LRMDA: variants seen among roughly 807,000 people sequenced by gnomAD.
LRMDA encodes leucine-rich melanocyte differentiation-associated protein.
Under a neutral mutation model 29.8 loss-of-function variants are expected in LRMDA, and 18 were observed. That is an observed-to-expected ratio of 0.60 (90% CI 0.42 to 0.90). The LOEUF (loss-of-function observed/expected upper bound fraction) is 0.90, where lower values mean the gene tolerates loss of function less well. LRMDA is among the 40% of genes least tolerant of loss of function. The probability of loss-of-function intolerance (pLI) is 0.00; values close to 1 mark genes in which losing one functional copy is unlikely to be tolerated. For missense variants in LRMDA, 273 were observed against 273.9 expected, an observed-to-expected ratio of 1.00 and a Z score of 0.02; for synonymous variants, 125 against 109.4, an observed-to-expected ratio of 1.14 and a Z score of -0.89.
chr10:76,482,103 G>T (rs1345744204), intron 6 of LRMDA, among the ~76,000 whole-genome samples: 1 of 151,850 alleles, frequency 6.6e-6, no homozygotes, highest in Non-Finnish European at 1.5e-5. Flanking sequence ...TTCATAACAT[G>T]ATAATCTTAT....
Position 76,359,983 on chromosome 10 carries a change from C to G in LRMDA, c.601+35498C>G, listed in dbSNP as rs114232134. The stretch of plus-strand genomic sequence containing the variant: ...CCCTTGGATCGGTCCAGTGGCATTT[C>G]TTTTTCTTTTGTTTTTTTTTATTTT... On this transcript the variant is annotated intron_variant, in intron 6 of 6. Coordinates refer to ENST00000611255, the MANE Select transcript of LRMDA (RefSeq NM_001305581.2). 5.6e-3 allele frequency among the ~76,000 whole-genome samples: 853 copies of G among 152,070 alleles called. 4 individuals carry two copies. The highest frequency in any genetic ancestry group is 0.019 in the African/African-American group (787 of 41,506).
chr10:75,915,780 A>G (rs2132382379), intron 2 of LRMDA, among the ~76,000 whole-genome samples: 1 of 152,262 alleles, frequency 6.6e-6, no homozygotes, highest in South Asian at 2.1e-4. Context: ...GGTCCACCTA[A>G]GAGGCTGTCT....
chr10:75,906,062 C>T (rs1307525442), intron 2 of LRMDA, among the ~76,000 whole-genome samples: 3 of 151,402 alleles, frequency 2.0e-5, no homozygotes, highest in Non-Finnish European at 4.4e-5. Context: ...CAGCTCTCAC[C>T]CCAGCTCCAC....
intron 2 of LRMDA, among the ~76,000 whole-genome samples, chr10:75,481,711 A>G (rs1472258797): frequency 6.6e-6 from 1 of 152,142 alleles, no homozygotes. Context: ...TGCTGTTAGG[A>G]TGAAGGCAAA....
chr10:75,852,171 A>C (rs1318503801), intron 2 of LRMDA, among the ~76,000 whole-genome samples: 1 of 152,228 alleles, frequency 6.6e-6, no homozygotes, highest in Non-Finnish European at 1.5e-5. Flanking sequence ...ATCTTGTCTC[A>C]ACTTAACTTC....
At chr10:76,541,248 C>T (rs899066575) in intron 6 of LRMDA, among the ~76,000 whole-genome samples, 1 of 152,176 alleles carries the variant, frequency 6.6e-6, no homozygotes, top group Non-Finnish European at 1.5e-5. Flanking sequence ...CGCCTGTAAT[C>T]CAAGCACTTT....
At chr10:76,336,752 T>A (rs1421409203) in intron 6 of LRMDA, among the ~76,000 whole-genome samples, 1 of 152,230 alleles carries the variant, frequency 6.6e-6, no homozygotes, top group Admixed American at 6.5e-5. Context: ...GTCTTCTCCC[T>A]TGTGGATTAG....
At chr10:76,330,913 G>A (rs978995610) in intron 6 of LRMDA, among the ~76,000 whole-genome samples, 3 of 152,126 alleles carry the variant, frequency 2.0e-5, no homozygotes, top group African/African-American at 7.2e-5. Context: ...ATTTATTTAG[G>A]CCAGCTTAAT....
chr10:76,316,914 A>G (rs1029982641), intron 5 of LRMDA, among the ~76,000 whole-genome samples: 6 of 152,220 alleles, frequency 3.9e-5, no homozygotes, highest in African/African-American at 1.4e-4. Context: ...ATTCCTTCTC[A>G]TTTGATAATC....
At chr10:76,328,720 CT>C (rs1840867688) in intron 6 of LRMDA, among the ~76,000 whole-genome samples, 1 of 152,214 alleles carries the variant, frequency 6.6e-6, no homozygotes, top group Non-Finnish European at 1.5e-5. Context: ...TCCCACTTGC[CT>C]GCCTCTGTCA....
At chr10:76,269,032 C>A (rs1393092366) in intron 5 of LRMDA, among the ~76,000 whole-genome samples, 3 of 152,020 alleles carry the variant, frequency 2.0e-5, no homozygotes, top group African/African-American at 7.3e-5. Flanking sequence ...GAACACTGGG[C>A]CACCGAATAT....
At chr10:75,804,746 A>G (rs1843819345) in intron 2 of LRMDA, among the ~76,000 whole-genome samples, 1 of 152,226 alleles carries the variant, frequency 6.6e-6, no homozygotes, top group South Asian at 2.1e-4. Flanking sequence ...GCAGCAGCCC[A>G]CATTTGCAGG....
intron 2 of LRMDA, among the ~76,000 whole-genome samples, chr10:76,000,015 C>G (rs1385644420): frequency 2.0e-5 from 3 of 152,008 alleles, no homozygotes; most frequent in Non-Finnish European, 4.4e-5. Context: ...CTCTTTGATT[C>G]AATAATTTGT....
intron 2 of LRMDA, among the ~76,000 whole-genome samples, chr10:75,813,935 T>G (rs1466237207): frequency 6.6e-6 from 1 of 152,222 alleles, no homozygotes; most frequent in Non-Finnish European, 1.5e-5. Flanking sequence ...ATAAACACCT[T>G]GATGAAAATC....
intron 2 of LRMDA, among the ~76,000 whole-genome samples, chr10:75,547,359 G>C (rs1281264602): frequency 1.3e-5 from 2 of 152,280 alleles, no homozygotes; most frequent in East Asian, 3.9e-4. Flanking sequence ...GGTTTTCTTT[G>C]CTCATCTCTA....
intron 6 of LRMDA, among the ~76,000 whole-genome samples, chr10:76,525,337 G>C (rs1564566725): frequency 6.6e-6 from 1 of 152,146 alleles, no homozygotes; most frequent in South Asian, 2.1e-4. Context: ...GAAACTTTCT[G>C]TTATGAAAAC....
intron 2 of LRMDA, among the ~76,000 whole-genome samples, chr10:75,820,316 T>G (rs1034169597): frequency 6.6e-6 from 1 of 151,248 alleles, no homozygotes. Context: ...CGTCTCAGAC[T>G]AGAGTGAAAT....
intron 2 of LRMDA, among the ~76,000 whole-genome samples, chr10:75,447,801 TGGGA>T (rs1844411944): frequency 6.6e-6 from 1 of 151,878 alleles, no homozygotes. Flanking sequence ...GAGGCTGAGG[TGGGA>T]GGATCACTTG....
intron 2 of LRMDA, among the ~76,000 whole-genome samples, chr10:75,681,994 T>C (rs536158402): frequency 8.5e-4 from 129 of 152,330 alleles, no homozygotes; most frequent in Non-Finnish European, 1.6e-3. Context: ...TCTTCCAGCC[T>C]ATCACCACCT....
Sources: gnomAD v4.1 joint callset for allele counts (sites outside exome capture counted in the v4.1 genomes callset) on GRCh38, gnomAD v4.1.1 for gene constraint, MANE v1.5 for transcripts, NCBI Gene and HGNC (gene_info 2026-07-23, HGNC 2026-07-21) for gene names.